KDM4C: variants seen among roughly 807,000 people sequenced by gnomAD.
The protein encoded by KDM4C is lysine-specific demethylase 4C.
KDM4C carries 81 observed loss-of-function variants against 129.3 expected under a neutral mutation model. The observed-to-expected ratio is 0.63, with a 90% CI of 0.52 to 0.75. The LOEUF is 0.75. Ranked by LOEUF, KDM4C falls within the 30% of genes least tolerant of loss-of-function variation. The pLI is 0.00. For synonymous variants in KDM4C, 573 were observed against 456.1 expected (o/e 1.26, Z -3.26); for missense variants, 1,457 against 1,304.0 (o/e 1.12, Z -1.81).
chr9:6,736,591 C>A (rs1563917971), intron 1 of KDM4C, among the ~76,000 whole-genome samples: 2 of 152,016 alleles, frequency 1.3e-5, no homozygotes, highest in South Asian at 4.2e-4. Context: ...CCTATGGGTG[C>A]ACAGAAGTCA....
At chr9:7,055,251 A>G (rs1027095763) in intron 17 of KDM4C, among the ~76,000 whole-genome samples, 5 of 152,214 alleles carry the variant, frequency 3.3e-5, no homozygotes, top group Non-Finnish European at 7.3e-5. Flanking sequence ...GTGGTGTAGC[A>G]CAGTGCCTTT....
At chr9:6,943,935 CAGG>C (rs945035869) in intron 8 of KDM4C, among the ~76,000 whole-genome samples, 2 of 152,112 alleles carry the variant, frequency 1.3e-5, no homozygotes, top group African/African-American at 4.8e-5. Context: ...GCCTTGCTGC[CAGG>C]AGATCAGTGT....
intron 1 of KDM4C, among the ~76,000 whole-genome samples, chr9:6,776,598 C>CTTT (rs34450311): frequency 5.7e-5 from 6 of 106,180 alleles, no homozygotes; most frequent in Non-Finnish European, 9.6e-5. Flanking sequence ...CTCAAACCCA[C>CTTT]TTTTTTTTTT....
At chr9:6,887,258 A>T (rs1291901963) in intron 6 of KDM4C, among the ~76,000 whole-genome samples, 1 of 152,186 alleles carries the variant, frequency 6.6e-6, no homozygotes, top group Non-Finnish European at 1.5e-5. Context: ...CTCAGACAGA[A>T]CTGCAGGTTT....
chr9:7,002,252 C>G (rs1331642683), intron 12 of KDM4C, among the ~76,000 whole-genome samples: 1 of 152,122 alleles, frequency 6.6e-6, no homozygotes, highest in African/African-American at 2.4e-5. Context: ...TTTCTTATTT[C>G]CAGAATCTTT....
chr9:7,040,007 G>C (rs1828286073), intron 15 of KDM4C, among the ~76,000 whole-genome samples: 1 of 152,024 alleles, frequency 6.6e-6, no homozygotes, highest in Admixed American at 6.6e-5. Flanking sequence ...TTGATTGTGA[G>C]CTTATGTTTC....
Position 7,122,640 on chromosome 9 carries a change from A to G in KDM4C, c.2611-5426A>G, listed in dbSNP as rs138297069. Among the ~76,000 whole-genome samples the G allele has an allele frequency of 2.6e-5, 4 of 152,322 alleles. No individual in the cohort carries two copies. The East Asian group carries it at 7.7e-4, about 29-fold the overall frequency. Reference sequence around the variant, plus strand: ...TCATGAATATGGACATATGCTGGAAACTAGATGTGTTATCGTTCCTAGGAA... The same window carrying G: ...TCATGAATATGGACATATGCTGGAAGCTAGATGTGTTATCGTTCCTAGGAA... On this transcript the variant is annotated intron_variant, in intron 18 of 21. Coordinates refer to ENST00000381309, the MANE Select transcript of KDM4C (RefSeq NM_015061.6).
intron 8 of KDM4C, among the ~76,000 whole-genome samples, chr9:6,927,059 C>G (rs1366828747): frequency 2.6e-5 from 4 of 151,606 alleles, no homozygotes; most frequent in African/African-American, 9.7e-5. Context: ...GAAAATTAAC[C>G]CCTTAGATTC....
At chr9:6,999,147 C>G (rs818897) in intron 12 of KDM4C, among the ~76,000 whole-genome samples, 28,315 of 152,138 alleles carry the variant, frequency 0.19, 2,626 homozygotes, top group Admixed American at 0.22. Context: ...GGCTGTTGCC[C>G]TTTACCTTTT....
intron 5 of KDM4C, among the ~76,000 whole-genome samples, chr9:6,852,465 G>A (rs1000811857): frequency 2.0e-5 from 3 of 152,152 alleles, no homozygotes; most frequent in African/African-American, 7.2e-5. Flanking sequence ...TGTGACTCAT[G>A]ATCAGAGTCA....
At chr9:7,061,096 A>G (rs1747808632) in intron 17 of KDM4C, among the ~76,000 whole-genome samples, 1 of 152,102 alleles carries the variant, frequency 6.6e-6, no homozygotes, top group South Asian at 2.1e-4. Flanking sequence ...ATGACACCTT[A>G]TTTTGGAGAG....
chr9:6,758,269 T>G lies in KDM4C; in HGVS notation c.-18+66T>G. ...GGGTCCGGAGAGGTCTTCCCGGCACTGCCCCCCTCCGCGTGGGGCACGGGG... is the reference window on the plus strand; with the variant it reads ...GGGTCCGGAGAGGTCTTCCCGGCACGGCCCCCCTCCGCGTGGGGCACGGGG... On this transcript the variant is annotated intron_variant, in intron 1 of 21. Transcript: ENST00000381309. The surrounding 1 kb of genome is among the most constrained non-coding windows in gnomAD (Gnocchi z 4.6). 1.1e-6 allele frequency: 1 copy of G among 910,558 alleles called. No individual in the cohort carries two copies. The highest frequency in any genetic ancestry group is 1.3e-6 in the Non-Finnish European group (1 of 761,868). The allele number at this position is 910,558 out of a possible 1,614,324, so 56.4% of individuals were successfully genotyped here.
chr9:6,928,966 CTTT>C (rs1823151003), intron 8 of KDM4C, among the ~76,000 whole-genome samples: 1 of 152,214 alleles, frequency 6.6e-6, no homozygotes, highest in African/African-American at 2.4e-5. Context: ...CACCCTTGTG[CTTT>C]AGTAAAACCA....
chr9:6,791,684 T>G (rs1826655805), intron 1 of KDM4C, among the ~76,000 whole-genome samples: 1 of 152,204 alleles, frequency 6.6e-6, no homozygotes, highest in African/African-American at 2.4e-5. Context: ...GTTTCAGAAC[T>G]GGTATATAGA....
At chr9:6,963,532 T>G (rs1402400467) in intron 8 of KDM4C, among the ~76,000 whole-genome samples, 3 of 152,134 alleles carry the variant, frequency 2.0e-5, no homozygotes, top group Non-Finnish European at 4.4e-5. Context: ...GCATTTAAGG[T>G]GAAATATGAA....
chr9:6,802,204 G>C lies in KDM4C; in HGVS notation c.145-3395G>C, dbSNP rs148309090. ...AAATACAAATAAAATTCACACTTGA[G>C]TACCATTGTACACTTAACAGAAAGA... On this transcript the variant is annotated intron_variant, in intron 2 of 21. Coordinates refer to ENST00000381309, the MANE Select transcript of KDM4C (RefSeq NM_015061.6). Among the ~76,000 whole-genome samples the C allele has an allele frequency of 7.2e-3, 1,095 of 152,184 alleles. 11 individuals are homozygous for C. Among genetic ancestry groups the C allele is most frequent in the African/African-American group, 0.025 (1,042 of 41,512 alleles).
chr9:7,113,556 G>C (rs964277129), intron 18 of KDM4C, among the ~76,000 whole-genome samples: 14 of 152,102 alleles, frequency 9.2e-5, no homozygotes, highest in Non-Finnish European at 1.8e-4. Flanking sequence ...CTCTCCCTGT[G>C]CTTTCTGTTG....
intron 17 of KDM4C, among the ~76,000 whole-genome samples, chr9:7,102,291 T>C (rs964552272): frequency 3.3e-5 from 5 of 149,650 alleles, no homozygotes; most frequent in Non-Finnish European, 7.4e-5. Context: ...ACTTGGCTCT[T>C]GCACCTCATG....
rs141339306 is a variant in KDM4C, at chr9:7,069,768, A to C, written c.2424+20568A>C. Among the ~76,000 whole-genome samples, 481 of 152,306 alleles carry C rather than the reference A, an allele frequency of 3.2e-3. 1 individual carries two copies. Among genetic ancestry groups the C allele is most frequent in the African/African-American group, 0.011 (453 of 41,568 alleles). On this transcript the variant is annotated intron_variant, in intron 17 of 21. Coordinates refer to ENST00000381309, the MANE Select transcript of KDM4C (RefSeq NM_015061.6). ...TGTGACTCCCTAAATGGGTAAAGGG[A>C]AGGTAAAGTCAAAATAGTAGTAATG...
Sources: gnomAD v4.1 joint callset for allele counts (sites outside exome capture counted in the v4.1 genomes callset) on GRCh38, gnomAD v4.1.1 for gene constraint, Gnocchi (gnomAD v3.1) non-coding constraint, MANE v1.5 for transcripts, NCBI Gene and HGNC (gene_info 2026-07-23, HGNC 2026-07-21) for gene names.